Variants in PRH1 observed in about 807,000 individuals in gnomAD.
The protein encoded by PRH1 is salivary acidic proline-rich phosphoprotein 1/2.
A neutral mutation model predicts 7.9 loss-of-function variants in PRH1; 7 were observed. The ratio of observed to expected loss-of-function variants is 0.89; its 90% CI spans 0.50 to 1.67. PRH1 has a LOEUF of 1.67. Ranked by LOEUF, PRH1 falls within the 40% of genes most tolerant of loss-of-function variation. The probability of loss-of-function intolerance (pLI) is 0.00; values close to 1 mark genes in which losing one functional copy is unlikely to be tolerated. For synonymous variants in PRH1, 45 were observed against 80.8 expected (o/e 0.56, Z 2.38); for missense variants, 109 against 223.6 (o/e 0.49, Z 3.27).
chr12:11,139,075 C>T (rs1389451505), intron 1 of PRH1, among the ~76,000 whole-genome samples: 1 of 152,154 alleles, frequency 6.6e-6, no homozygotes, highest in Non-Finnish European at 1.5e-5. Context: ...ACTTGTATTT[C>T]TTAGTACCAT....
intron 1 of PRH1, among the ~76,000 whole-genome samples, chr12:11,130,380 C>A (rs191635015): frequency 4.6e-5 from 7 of 152,242 alleles, no homozygotes; most frequent in Middle Eastern, 3.4e-3. Flanking sequence ...TTTGCTCTCT[C>A]TATATATTTC....
chr12:10,928,784 G>A (rs994831348), intron 2 of PRH1, among the ~76,000 whole-genome samples: 1 of 152,148 alleles, frequency 6.6e-6, no homozygotes, highest in Non-Finnish European at 1.5e-5. Flanking sequence ...CACACATCAT[G>A]AGAGATGGAA....
At chr12:11,117,447 T>C (rs955279388), downstream of PRH1, among the ~76,000 whole-genome samples, 3 of 152,168 alleles carry the variant, frequency 2.0e-5, no homozygotes, top group Admixed American at 1.3e-4. Context: ...TAGTCCATGT[T>C]CATGGATTAG....
At chr12:11,130,443 A>C (rs1178998484) in intron 1 of PRH1, among the ~76,000 whole-genome samples, 1 of 152,084 alleles carries the variant, frequency 6.6e-6, no homozygotes, top group Non-Finnish European at 1.5e-5. Flanking sequence ...GATTTTGGAG[A>C]CAACATATTC....
chr12:10,989,800 C>T (rs1939840632), intron 1 of PRH1, among the ~76,000 whole-genome samples: 1 of 152,202 alleles, frequency 6.6e-6, no homozygotes, highest in Admixed American at 6.5e-5. Context: ...ACACTGAAGA[C>T]ATGATTCCAT....
chr12:11,058,655 G>T (rs536172685), intron 1 of PRH1, among the ~76,000 whole-genome samples: 2 of 152,392 alleles, frequency 1.3e-5, no homozygotes, highest in African/African-American at 2.4e-5. Flanking sequence ...TGGCCACTGA[G>T]CCAAATGATC....
At position 10,978,836 on chromosome 12, in the gene PRH1, T is replaced by C. The variant is rs117589512; in HGVS notation, c.-125-5115A>G. ...AAAAATGCTCAATATGAATGAATCA[T>C]TAAAGAAATGCAAATCAAAACCACA... On this transcript the variant is annotated intron_variant, in intron 1 of 3. Coordinates refer to the PRH1 transcript ENST00000539853. Among the ~76,000 whole-genome samples, 608 of 152,156 alleles carry C rather than the reference T, an allele frequency of 4.0e-3. 1 individual carries two copies. Among genetic ancestry groups the C allele is most frequent in the Non-Finnish European group, 5.1e-3 (350 of 68,000 alleles).
intron 1 of PRH1, among the ~76,000 whole-genome samples, chr12:11,149,211 A>AT (rs1946980247): frequency 2.0e-5 from 3 of 151,610 alleles, no homozygotes; most frequent in Admixed American, 1.3e-4. Flanking sequence ...CAGTCTATCA[A>AT]TTTTGTTGAT....
intron 1 of PRH1, among the ~76,000 whole-genome samples, chr12:11,041,307 A>AAAAAAAAAAAAAAAC (rs1565584500): frequency 4.1e-5 from 4 of 97,194 alleles, no homozygotes; most frequent in Non-Finnish European, 6.0e-5. Flanking sequence ...AAAAAAAAAA[A>AAAAAAAAAAAAAAAC]AAAACAAAAA....
intron 1 of PRH1, among the ~76,000 whole-genome samples, chr12:11,112,438 A>G (rs1349236171): frequency 6.6e-6 from 1 of 152,160 alleles, no homozygotes; most frequent in East Asian, 1.9e-4. Context: ...AGCAGCATAT[A>G]AAAAGGCTTA....
upstream of PRH1, among the ~76,000 whole-genome samples, chr12:10,885,596 C>T (rs1261889014): frequency 1.3e-5 from 2 of 152,216 alleles, no homozygotes; most frequent in Non-Finnish European, 2.9e-5. Flanking sequence ...TTCCAAAAAG[C>T]CCTGTCAGAG....
chr12:11,066,339 G>T (rs1416837160), intron 1 of PRH1, among the ~76,000 whole-genome samples: 2 of 152,092 alleles, frequency 1.3e-5, no homozygotes, highest in Non-Finnish European at 2.9e-5. Context: ...CTCATAAAAT[G>T]TATCATTTGC....
At chr12:10,899,274 G>T (rs556079606) in intron 2 of PRH1, among the ~76,000 whole-genome samples, 4 of 112,402 alleles carry the variant, frequency 3.6e-5, no homozygotes, top group Admixed American at 2.9e-4. Flanking sequence ...GGGATGGAAA[G>T]ATTACATTTT....
chr12:10,946,231 C>A (rs1452716992), intron 2 of PRH1, among the ~76,000 whole-genome samples: 1 of 152,160 alleles, frequency 6.6e-6, no homozygotes, highest in Non-Finnish European at 1.5e-5. Flanking sequence ...TCAGAGATTG[C>A]AGTAAAGACA....
At chr12:11,066,759 T>G (rs1267548918) in intron 1 of PRH1, among the ~76,000 whole-genome samples, 1 of 151,800 alleles carries the variant, frequency 6.6e-6, no homozygotes, top group Non-Finnish European at 1.5e-5. Flanking sequence ...ACCCTACTAT[T>G]CTTCCTCATG....
At chr12:10,950,348 G>T (rs76443346) in intron 2 of PRH1, among the ~76,000 whole-genome samples, 3,010 of 152,110 alleles carry the variant, frequency 0.02, 35 homozygotes, top group South Asian at 0.032. Context: ...TCTGAAAATT[G>T]TCAGTGCCTC....
At chr12:11,041,393 T>C (rs967892660) in intron 1 of PRH1, among the ~76,000 whole-genome samples, 1 of 150,546 alleles carries the variant, frequency 6.6e-6, no homozygotes, top group African/African-American at 2.5e-5. Context: ...AAGGTCACCA[T>C]ATAACGATAA....
intron 1 of PRH1, chr12:11,133,857 GA>G (rs1431551493): frequency 1.9e-6 from 3 of 1,614,006 alleles, no homozygotes; most frequent in Non-Finnish European, 2.5e-6. Flanking sequence ...AGTATCACCA[GA>G]ACAACACTCT....
intron 1 of PRH1, among the ~76,000 whole-genome samples, chr12:11,163,103 T>C (rs990256460): frequency 2.0e-5 from 3 of 152,228 alleles, no homozygotes; most frequent in Admixed American, 2.0e-4. Context: ...ACGTATAGTG[T>C]TCACTTCAGC....
Sources: allele counts gnomAD v4.1 joint callset (sites outside exome capture counted in the v4.1 genomes callset), GRCh38; gene constraint gnomAD v4.1.1; transcripts MANE v1.5; gene names NCBI Gene and HGNC (gene_info 2026-07-23, HGNC 2026-07-21).